Variants in SDCCAG8 observed in about 807,000 individuals in gnomAD.
SDCCAG8 encodes serologically defined colon cancer antigen 8.
SDCCAG8 carries 74 observed loss-of-function variants against 101.8 expected under a neutral mutation model. That is an observed-to-expected ratio of 0.73 (90% CI 0.60 to 0.88). The LOEUF is 0.88. SDCCAG8 is among the 40% of genes least tolerant of loss of function. SDCCAG8 has a pLI of 0.00. For missense variants in SDCCAG8, 787 were observed against 822.6 expected (o/e 0.96, Z 0.53); for synonymous variants, 281 against 292.9 (o/e 0.96, Z 0.41).
intron 11 of SDCCAG8, 76 bp from the exon 12 acceptor site, chr1:243,344,139 G>A: frequency 1.8e-6 from 2 of 1,136,990 alleles, no homozygotes; most frequent in East Asian, 2.3e-5. Context: ...CCTCTAGGGG[G>A]CACCAAAAGA....
intron 9 of SDCCAG8, chr1:243,318,085 G>A (rs1205581364): frequency 1.5e-5 from 7 of 456,394 alleles, no homozygotes; most frequent in South Asian, 7.7e-5. Flanking sequence ...GGAATCAACC[G>A]AAATTGACGG....
At chr1:243,373,434 GTATATT>G (rs2147889495) in intron 12 of SDCCAG8, among the ~76,000 whole-genome samples, 1 of 152,164 alleles carries the variant, frequency 6.6e-6, no homozygotes, top group Admixed American at 6.6e-5. Flanking sequence ...CAACAATCAT[GTATATT>G]TATATTTATG....
chr1:243,493,207 G>A (rs919601232), intron 17 of SDCCAG8, among the ~76,000 whole-genome samples: 1 of 126,762 alleles, frequency 7.9e-6, no homozygotes, highest in Non-Finnish European at 1.6e-5. Flanking sequence ...GCTGGGGGAG[G>A]CTGAAACCTT....
In SDCCAG8 at chr1:243,307,864, G is replaced by C. The variant is rs1164141483; in HGVS notation, c.741-125G>C. 13 of 1,541,242 alleles carry C rather than the reference G, an allele frequency of 8.4e-6. No individual in the cohort carries two copies. The Admixed American group carries it at 2.6e-4, about 30-fold the overall frequency. On this transcript the variant is annotated intron_variant, in intron 7 of 17. Coordinates refer to ENST00000366541, the MANE Select transcript of SDCCAG8 (RefSeq NM_006642.5). Reference sequence around the variant, plus strand: ...CGTGGTAAAAATTAATAAGGTATTGGACGTAAACTAAAGCATAAGGTGAGT... The same window carrying C: ...CGTGGTAAAAATTAATAAGGTATTGCACGTAAACTAAAGCATAAGGTGAGT...
chr1:243,417,927 A>G (rs774310875), intron 14 of SDCCAG8, 41 bp from the exon 15 acceptor site: 13 of 1,450,454 alleles, frequency 9.0e-6, no homozygotes, highest in Non-Finnish European at 1.2e-5. Context: ...AGCGACAACC[A>G]TAAACATCTT....
At chr1:243,465,614 T>G (rs910646217) in intron 16 of SDCCAG8, among the ~76,000 whole-genome samples, 10 of 152,236 alleles carry the variant, frequency 6.6e-5, no homozygotes, top group Non-Finnish European at 1.0e-4. Flanking sequence ...CTGTTTCGGC[T>G]TAACCTTTCA....
At chr1:243,367,196 T>G (rs1303280064) in intron 12 of SDCCAG8, among the ~76,000 whole-genome samples, 1 of 152,180 alleles carries the variant, frequency 6.6e-6, no homozygotes, top group Non-Finnish European at 1.5e-5. Flanking sequence ...TTTTCTTTGG[T>G]AATTCTTTTA....
chr1:243,468,351 G>A (rs1237229791), intron 16 of SDCCAG8, among the ~76,000 whole-genome samples: 1 of 151,876 alleles, frequency 6.6e-6, no homozygotes, highest in Non-Finnish European at 1.5e-5. Context: ...CCGAGTAGCT[G>A]GGACTACAGA....
rs1330382284 is a variant in SDCCAG8, at chr1:243,480,256, G to A, written c.1986-8758G>A. On this transcript the variant is annotated intron_variant, in intron 16 of 17. Transcript: ENST00000366541. Reference sequence around the variant, plus strand: ...GGAACCTGGATGTGAAGTGCTGGCAGCTGGACTTCAAGAGTGAAGGTCATG... The same window carrying A: ...GGAACCTGGATGTGAAGTGCTGGCAACTGGACTTCAAGAGTGAAGGTCATG... 2.0e-5 allele frequency among the ~76,000 whole-genome samples: 3 copies of A among 150,096 alleles called. No individual in the cohort carries two copies. In the South Asian group the frequency reaches 6.4e-4, roughly 32 times the overall value.
chr1:243,465,904 G>A (rs1377119328), intron 16 of SDCCAG8, among the ~76,000 whole-genome samples: 1 of 152,146 alleles, frequency 6.6e-6, no homozygotes, highest in Non-Finnish European at 1.5e-5. Flanking sequence ...GTGTACCACA[G>A]GCAGATGACT....
intron 16 of SDCCAG8, chr1:243,487,883 G>A (rs1665354190): frequency 6.5e-6 from 1 of 152,968 alleles, no homozygotes; most frequent in Non-Finnish European, 1.5e-5. Flanking sequence ...GTCATGGTGC[G>A]TTCTGGGGAA....
Position 243,270,264 on chromosome 1 carries a change from G to A in SDCCAG8, c.220+7G>A, listed in dbSNP as rs745990713. The A allele has an allele frequency of 1.2e-6, 2 of 1,613,830 alleles. No homozygotes were observed. Among genetic ancestry groups the A allele is most frequent in the Non-Finnish European group, 8.5e-7 (1 of 1,179,802 alleles). On this transcript the variant is annotated splice_region_variant and intron_variant, in intron 2 of 17. Coordinates refer to ENST00000366541, the MANE Select transcript of SDCCAG8 (RefSeq NM_006642.5). ...TTACAACAGAGCCATGCTGGTGAGT[G>A]TGAATGTCAATCCTAGTCTGAATGA...
At chr1:243,471,530 C>T (rs751814041) in intron 16 of SDCCAG8, among the ~76,000 whole-genome samples, 3 of 152,186 alleles carry the variant, frequency 2.0e-5, no homozygotes, top group Non-Finnish European at 1.5e-5. Flanking sequence ...CGGCCCTCCA[C>T]GGGGGGTCCA....
intron 5 of SDCCAG8, among the ~76,000 whole-genome samples, chr1:243,289,798 A>G (rs2070039321): frequency 6.6e-6 from 1 of 152,158 alleles, no homozygotes. Context: ...GCTTGTCGAC[A>G]TTGAACCAAA....
intron 4 of SDCCAG8, 133 bp from the exon 5 acceptor site, chr1:243,286,138 TA>T: frequency 1.0e-6 from 1 of 982,830 alleles, no homozygotes; most frequent in Non-Finnish European, 1.6e-6. Context: ...CTTGTTTGTC[TA>T]AACATATAAT....
intron 10 of SDCCAG8, among the ~76,000 whole-genome samples, chr1:243,340,396 C>G (rs150425152): frequency 6.6e-6 from 1 of 152,140 alleles, no homozygotes; most frequent in African/African-American, 2.4e-5. Flanking sequence ...CAACCCTGAA[C>G]GTGGGAAGGG....
intron 17 of SDCCAG8, among the ~76,000 whole-genome samples, chr1:243,494,485 C>T (rs1481200111): frequency 6.6e-5 from 10 of 152,208 alleles, no homozygotes; most frequent in Non-Finnish European, 1.5e-5. Context: ...TGCTGCATGT[C>T]TAACATAAGC....
intron 6 of SDCCAG8, among the ~76,000 whole-genome samples, chr1:243,296,106 C>T (rs1283233423): frequency 6.6e-6 from 1 of 152,120 alleles, no homozygotes; most frequent in Admixed American, 6.5e-5. Context: ...AGCAATTCGC[C>T]TGCCTCAGCC....
At chr1:243,472,203 G>C (rs1661404703) in intron 16 of SDCCAG8, among the ~76,000 whole-genome samples, 1 of 152,220 alleles carries the variant, frequency 6.6e-6, no homozygotes, top group Admixed American at 6.5e-5. Context: ...CTCTGGGGTA[G>C]ATAACAAAGC....
Sources: gnomAD v4.1 joint callset for allele counts (sites outside exome capture counted in the v4.1 genomes callset) on GRCh38, gnomAD v4.1.1 for gene constraint, MANE v1.5 for transcripts, NCBI Gene and HGNC (gene_info 2026-07-23, HGNC 2026-07-21) for gene names.